The following ERBIN variants were observed in gnomAD, a reference collection of about 807,000 sequenced individuals.
ERBIN encodes the protein densin-180-like protein.
A neutral mutation model predicts 158.4 loss-of-function variants in ERBIN; 60 were observed. The ratio of observed to expected loss-of-function variants is 0.38; its 90% confidence interval spans 0.31 to 0.47. The LOEUF (loss-of-function observed/expected upper bound fraction) is 0.47. ERBIN is among the 20% of genes least tolerant of loss of function. The pLI is 0.99. For synonymous variants in ERBIN, 594 were observed against 557.2 expected (o/e 1.07, Z -0.93); for missense variants, 1,610 against 1,648.0 (o/e 0.98, Z 0.40).
chr5:66,003,923 CTTT>C (rs35063438), intron 4 of ERBIN, among the ~76,000 whole-genome samples: 1,425 of 62,686 alleles, frequency 0.023, 16 homozygotes, highest in African/African-American at 0.081. Context: ...GAGCAGCAGT[CTTT>C]TTTTTTTTTT....
At chr5:66,060,896 G>A (rs1760211143) in intron 21 of ERBIN, among the ~76,000 whole-genome samples, 1 of 152,188 alleles carries the variant, frequency 6.6e-6, no homozygotes, top group Non-Finnish European at 1.5e-5. Context: ...TTGCACTGTG[G>A]TCTGAGAGAC....
intron 7 of ERBIN, among the ~76,000 whole-genome samples, chr5:66,016,928 T>C (rs754451928): frequency 6.6e-6 from 1 of 152,112 alleles, no homozygotes; most frequent in Non-Finnish European, 1.5e-5. Context: ...GATCTTTTTT[T>C]AGCTCGCACA....
At chr5:65,949,637 A>G (rs145695776) in intron 1 of ERBIN, among the ~76,000 whole-genome samples, 11 of 152,346 alleles carry the variant, frequency 7.2e-5, no homozygotes, top group African/African-American at 2.6e-4. Flanking sequence ...GAACTGCTAA[A>G]TAGTCCAGAG....
intron 1 of ERBIN, among the ~76,000 whole-genome samples, chr5:65,965,078 C>T (rs1748411346): frequency 6.6e-6 from 1 of 151,062 alleles, no homozygotes; most frequent in African/African-American, 2.4e-5. Flanking sequence ...GGCATGAGCC[C>T]CTGTGCCTGG....
At chr5:66,019,707 A>C (rs1057352626) in intron 7 of ERBIN, among the ~76,000 whole-genome samples, 1 of 152,142 alleles carries the variant, frequency 6.6e-6, no homozygotes, top group African/African-American at 2.4e-5. Context: ...TTAAAATATA[A>C]ATTTTCCAGG....
intron 15 of ERBIN, 30 bp downstream of exon 15, chr5:66,038,512 A>G (rs1304871129): frequency 6.7e-7 from 1 of 1,490,218 alleles, no homozygotes; most frequent in Admixed American, 1.8e-5. Context: ...TTTTCTTGTT[A>G]AAAACAAATA....
chr5:66,073,614 CTACTT>C (rs1188785760), intron 22 of ERBIN, among the ~76,000 whole-genome samples: 49 of 152,238 alleles, frequency 3.2e-4, no homozygotes, highest in African/African-American at 1.1e-3. Context: ...CAAAGCTAAA[CTACTT>C]TATATCTTTC....
intron 3 of ERBIN, 26 bp downstream of exon 3, chr5:65,992,933 TTA>T (rs1752033860): frequency 1.4e-6 from 2 of 1,456,878 alleles, no homozygotes; most frequent in Admixed American, 2.4e-5. Context: ...CTTTCAAGAA[TTA>T]TCTTTGGTTA....
chr5:65,931,115 A>G (rs1743325197), intron 1 of ERBIN, among the ~76,000 whole-genome samples: 2 of 152,256 alleles, frequency 1.3e-5, no homozygotes, highest in African/African-American at 4.8e-5. Flanking sequence ...TTATAGCTTT[A>G]AAAGCATATT....
chr5:65,967,257 A>G (rs895345484), intron 1 of ERBIN, among the ~76,000 whole-genome samples: 1 of 152,228 alleles, frequency 6.6e-6, no homozygotes, highest in African/African-American at 2.4e-5. Flanking sequence ...TTTTAAATAA[A>G]TTTACATAGC....
chr5:65,977,968 A>AGAGGGG (rs1274996032), intron 1 of ERBIN, among the ~76,000 whole-genome samples: 1 of 151,740 alleles, frequency 6.6e-6, no homozygotes, highest in Non-Finnish European at 1.5e-5. Flanking sequence ...GGGGAGAGGG[A>AGAGGGG]GAGGGAGAGG....
intron 7 of ERBIN, among the ~76,000 whole-genome samples, chr5:66,015,365 T>C (rs1326768239): frequency 8.7e-6 from 1 of 115,086 alleles, no homozygotes; most frequent in Non-Finnish European, 1.8e-5. Context: ...TGATTAAATC[T>C]GGCCCACTGT....
chr5:66,022,761 T>C (rs988050068), intron 8 of ERBIN: 1 of 152,434 alleles, frequency 6.6e-6, no homozygotes, highest in African/African-American at 2.4e-5. Flanking sequence ...TAAATTACAG[T>C]ATATTTGTAT....
intron 1 of ERBIN, among the ~76,000 whole-genome samples, chr5:65,957,901 G>A (rs1355262187): frequency 2.0e-5 from 3 of 151,812 alleles, no homozygotes; most frequent in East Asian, 3.9e-4. Context: ...CTTCTCAGCC[G>A]GGGCGGCTGC....
chr5:65,967,034 G>A (rs1325145611), intron 1 of ERBIN, among the ~76,000 whole-genome samples: 1 of 152,130 alleles, frequency 6.6e-6, no homozygotes, highest in African/African-American at 2.4e-5. Context: ...CTACTTAGGA[G>A]GCTGAGGTGG....
rs772056304 is a variant in ERBIN at position 66,043,058 on chromosome 5, G to T, written c.1307-19G>T. 6.5e-7 allele frequency: 1 copy of T among 1,547,744 alleles called. No homozygotes were observed. On this transcript the variant is annotated intron_variant, in intron 15 of 25. Transcript: ENST00000284037. The stretch of plus-strand genomic sequence containing the variant: ...TTACAGTAAAATATAGTAGGTTTTT[G>T]TTTTTTACTTTTCTCTAGTTATGTT...
At chr5:66,044,656 T>A (rs758708411) in intron 17 of ERBIN, among the ~76,000 whole-genome samples, 4 of 151,958 alleles carry the variant, frequency 2.6e-5, no homozygotes, top group South Asian at 2.1e-4. Context: ...TCCCAGCTAC[T>A]TGGGAGGCTG....
intron 4 of ERBIN, among the ~76,000 whole-genome samples, chr5:66,008,120 A>C (rs1753813769): frequency 6.6e-6 from 1 of 152,208 alleles, no homozygotes; most frequent in African/African-American, 2.4e-5. Context: ...ATAATATAAA[A>C]AGTATGAAGT....
At position 66,054,141 on chromosome 5, in the gene ERBIN, G is replaced by C; in HGVS notation, c.2823G>C (p.Lys941Asn). 6.2e-7 allele frequency: 1 copy of C among 1,614,106 alleles called. No individual in the cohort carries two copies. Among genetic ancestry groups the C allele is most frequent in the South Asian group, 1.1e-5 (1 of 91,090 alleles). Reference sequence around the variant, plus strand: ...CTTCTGATTTAATATCAGGAACAAAGGCAATTTTCAAGTTTGATTCAAATC... The same window carrying C: ...CTTCTGATTTAATATCAGGAACAAACGCAATTTTCAAGTTTGATTCAAATC... ...SSSSDLISGT[K>N]AIFKFDSNHN... Residue 941 changes from lysine (K) to asparagine (N), a missense_variant, in exon 21 of 26, where the codon AAG becomes AAC. Physicochemically the swap from Lys to Asn is moderately conservative, Grantham distance 94. Transcript: ENST00000284037.
Sources: gnomAD v4.1 joint callset for allele counts (sites outside exome capture counted in the v4.1 genomes callset) on GRCh38, gnomAD v4.1.1 for gene constraint, MANE v1.5 for transcripts, NCBI Gene and HGNC (gene_info 2026-07-23, HGNC 2026-07-21) for gene names.